Variants in SLC25A33 observed in about 807,000 individuals in gnomAD.
SLC25A33 encodes bone marrow stromal cell mitochondrial carrier protein.
SLC25A33 carries 15 observed loss-of-function variants against 35.5 expected under a neutral mutation model. That is an observed-to-expected ratio of 0.42 (90% CI 0.28 to 0.65). The LOEUF (loss-of-function observed/expected upper bound fraction) is 0.65, where lower values mean the gene tolerates loss of function less well. SLC25A33 is among the 30% of genes least tolerant of loss of function. The probability of loss-of-function intolerance (pLI) is 0.20; values close to 1 mark genes in which losing one functional copy is unlikely to be tolerated. For missense variants in SLC25A33, 257 were observed against 398.5 expected, an observed-to-expected ratio of 0.64 and a Z score of 3.02; for synonymous variants, 136 against 148.7, an observed-to-expected ratio of 0.91 and a Z score of 0.62.
At chr1:9,570,831 G>T (rs1164818637) in intron 4 of SLC25A33, among the ~76,000 whole-genome samples, 4 of 149,874 alleles carry the variant, frequency 2.7e-5, no homozygotes, top group Non-Finnish European at 5.9e-5. Context: ...TTGTGCCTCA[G>T]CCTCCTGAGT....
At position 9,553,203 on chromosome 1, in the gene SLC25A33, G is replaced by GTTTTTTTTTTTTTTTTTTT. The variant is rs550067186; in HGVS notation, c.57-417_57-399dup. ...TTAACCTTTATTGTGTTCTAGTTTT[G>GTTTTTTTTTTTTTTTTTTT]TTTTTTTTTTTTTTTTTTTTTTTTG... On this transcript the variant is annotated intron_variant, in intron 1 of 6. Coordinates refer to ENST00000302692, the MANE Select transcript of SLC25A33 (RefSeq NM_032315.3). Among the ~76,000 whole-genome samples, 228 of 56,482 alleles carry GTTTTTTTTTTTTTTTTTTT rather than the reference G, an allele frequency of 4.0e-3. 2 individuals are homozygous for GTTTTTTTTTTTTTTTTTTT. The highest frequency in any genetic ancestry group is 4.9e-3 in the Non-Finnish European group (151 of 30,926). The allele number at this position is 56,482 out of a possible 152,430, so 37.1% of individuals were successfully genotyped here.
chr1:9,543,105 C>G (rs1165873233), intron 1 of SLC25A33, among the ~76,000 whole-genome samples: 1 of 151,728 alleles, frequency 6.6e-6, no homozygotes, highest in African/African-American at 2.4e-5. Context: ...CAGGTGTGAG[C>G]CACCACGCCC....
In SLC25A33 at chr1:9,573,974, TTTG is replaced by T. The variant is rs372493170; in HGVS notation, c.482+580_482+582del. Reference sequence around the variant, plus strand: ...GTTGTTTTTTGAGTTTTTTTGTTTTTTTGTTGTTGTTGTTGTTGTTTTGTTTTT... The same window carrying T: ...GTTGTTTTTTGAGTTTTTTTGTTTTTTTGTTGTTGTTGTTGTTTTGTTTTT... On this transcript the variant is annotated intron_variant, in intron 5 of 6. Coordinates refer to ENST00000302692, the MANE Select transcript of SLC25A33 (RefSeq NM_032315.3). Among the ~76,000 whole-genome samples the T allele has an allele frequency of 6.3e-3, 962 of 152,100 alleles. 20 individuals are homozygous for T. The highest frequency in any genetic ancestry group is 0.035 in the Admixed American group (532 of 15,266).
At position 9,567,311 on chromosome 1, in the gene SLC25A33, G is replaced by A. The variant is rs771181070; in HGVS notation, c.264G>A (p.Lys88=). 2.5e-6 allele frequency: 4 copies of A among 1,614,016 alleles called. No individual in the cohort carries two copies. In the Admixed American group the frequency reaches 5.0e-5, roughly 20 times the overall value. The change falls in exon 3 of 7, where the codon AAG becomes AAA. Residue 88 remains lysine, a synonymous_variant. Transcript: ENST00000302692. ...CGATCTTGGAGAAAGAGGGACCAAA[G>A]TCACTTTTTAGAGGCTTGGGTCCAA... ...LKSILEKEGP[K]SLFRGLGPNL... is the part of the protein sequence containing the mutation.
intron 2 of SLC25A33, among the ~76,000 whole-genome samples, chr1:9,566,891 G>T (rs950496213): frequency 2.0e-5 from 3 of 151,936 alleles, no homozygotes; most frequent in Non-Finnish European, 1.5e-5. Context: ...AGCTGGGTGT[G>T]GTGGTGAGTG....
At chr1:9,541,970 T>A (rs898220987) in intron 1 of SLC25A33, among the ~76,000 whole-genome samples, 2 of 152,056 alleles carry the variant, frequency 1.3e-5, no homozygotes, top group African/African-American at 4.8e-5. Context: ...CGGCTAATTT[T>A]GTATATTTTT....
intron 6 of SLC25A33, 72 bp downstream of exon 6, chr1:9,580,306 C>G (rs989075919): frequency 2.6e-6 from 4 of 1,550,474 alleles, no homozygotes; most frequent in Non-Finnish European, 3.5e-6. Flanking sequence ...TATATCTAGA[C>G]TTCTGAGGCG....
At chr1:9,570,493 G>A (rs2100403205) in intron 4 of SLC25A33, 135 bp downstream of exon 4, 1 of 717,950 alleles carries the variant, frequency 1.4e-6, no homozygotes, top group Non-Finnish European at 2.3e-6. Context: ...AAAGCTTTAT[G>A]TTACAACCAA....
chr1:9,567,035 A>G (rs1383315921), intron 2 of SLC25A33, among the ~76,000 whole-genome samples: 21 of 150,926 alleles, frequency 1.4e-4, no homozygotes. Context: ...CTCAAAAAGA[A>G]AAAAAAAAGG....
chr1:9,582,713 C>T lies in SLC25A33; in HGVS notation c.*212C>T. 1.8e-6 allele frequency: 1 copy of T among 554,814 alleles called. No individual in the cohort carries two copies. The highest frequency in any genetic ancestry group is 3.1e-6 in the Non-Finnish European group (1 of 318,980). The allele number at this position is 554,814 out of a possible 1,614,324, so 34.4% of individuals were successfully genotyped here. ...TAGTTAATTATAACTTTTTTTTTAA[C>T]TTAAGAGGATTCAGGGTTAAGCACC... is the stretch of plus-strand genomic sequence containing the variant. On this transcript the variant is annotated 3_prime_UTR_variant, in exon 7 of 7. Coordinates refer to ENST00000302692, the MANE Select transcript of SLC25A33 (RefSeq NM_032315.3). This position sits in a 1 kb window ranked among gnomAD's most constrained non-coding sequence, Gnocchi z 4.0.
chr1:9,544,161 G>A (rs746537261), intron 1 of SLC25A33, among the ~76,000 whole-genome samples: 2 of 151,590 alleles, frequency 1.3e-5, no homozygotes, highest in Non-Finnish European at 2.9e-5. Flanking sequence ...ATAAGACACA[G>A]ATATTTTCAA....
At position 9,582,591 on chromosome 1, in the gene SLC25A33, A is replaced by C; in HGVS notation, c.*90A>C. 1 of 1,308,000 alleles carries C rather than the reference A, an allele frequency of 7.6e-7. No individual in the cohort carries two copies. The highest frequency in any genetic ancestry group is 1.4e-5 in the South Asian group (1 of 69,752). The allele number at this position is 1,308,000 out of a possible 1,614,324, so 81.0% of individuals were successfully genotyped here. A position where few individuals can be genotyped will look rare whatever the true frequency, so the allele number is the denominator to read the frequency against. On this transcript the variant is annotated 3_prime_UTR_variant, in exon 7 of 7. Transcript: ENST00000302692. This position sits in a 1 kb window ranked among gnomAD's most constrained non-coding sequence, Gnocchi z 4.0. ...TTGATGTTTAGAAAGTTTGAGACTGAAACAGGAAAGGCCATAAAATATCTG... is the reference window on the plus strand; with the variant it reads ...TTGATGTTTAGAAAGTTTGAGACTGCAACAGGAAAGGCCATAAAATATCTG...
intron 1 of SLC25A33, among the ~76,000 whole-genome samples, chr1:9,552,716 T>A (rs10864429): frequency 0.26 from 39,783 of 151,904 alleles, 6,678 homozygotes; most frequent in African/African-American, 0.48. Flanking sequence ...AATTGGTTAA[T>A]ATCTTATCAA....
intron 1 of SLC25A33, among the ~76,000 whole-genome samples, chr1:9,540,545 T>G (rs1557521448): frequency 6.6e-6 from 1 of 152,090 alleles, no homozygotes; most frequent in Non-Finnish European, 1.5e-5. Flanking sequence ...CCGCCGAGAA[T>G]AGAAGGTAAA....
chr1:9,546,426 C>T (rs372055453), intron 1 of SLC25A33, among the ~76,000 whole-genome samples: 29 of 152,012 alleles, frequency 1.9e-4, no homozygotes, highest in East Asian at 5.9e-4. Flanking sequence ...CCTCGTGATC[C>T]GCCCTCCTCA....
intron 2 of SLC25A33, among the ~76,000 whole-genome samples, chr1:9,560,491 G>C (rs934327095): frequency 6.6e-6 from 1 of 152,030 alleles, no homozygotes; most frequent in Non-Finnish European, 1.5e-5. Flanking sequence ...ATGAACCCCG[G>C]AGGCGGAGGT....
chr1:9,550,811 A>G (rs77853718), intron 1 of SLC25A33, among the ~76,000 whole-genome samples: 4,401 of 151,846 alleles, frequency 0.029, 100 homozygotes, highest in South Asian at 0.048. Context: ...TATCGGGACT[A>G]CAGGCGCACA....
intron 2 of SLC25A33, chr1:9,556,176 G>A: frequency 1.0e-6 from 1 of 985,392 alleles, no homozygotes; most frequent in South Asian, 4.7e-5. Context: ...CTTTTCACAT[G>A]CTTAGGCGGT....
chr1:9,557,554 G>A (rs968196493), intron 2 of SLC25A33, among the ~76,000 whole-genome samples: 5 of 151,772 alleles, frequency 3.3e-5, no homozygotes, highest in Admixed American at 1.3e-4. Flanking sequence ...CAAAAAATTA[G>A]CCGGGCATGT....
Sources: gnomAD v4.1 joint callset for allele counts (sites outside exome capture counted in the v4.1 genomes callset) on GRCh38, gnomAD v4.1.1 for gene constraint, Gnocchi (gnomAD v3.1) non-coding constraint, MANE v1.5 for transcripts, NCBI Gene and HGNC (gene_info 2026-07-23, HGNC 2026-07-21) for gene names.